Variants in SIPA1L2 observed in about 807,000 individuals in gnomAD.
The protein encoded by SIPA1L2 is signal-induced proliferation-associated 1-like protein 2.
Under a neutral mutation model 163.9 loss-of-function variants are expected in SIPA1L2, and 56 were observed. That is an observed-to-expected ratio of 0.34 (90% CI 0.28 to 0.43). The LOEUF is 0.43. Among genes scored for constraint, SIPA1L2 ranks in the 20% least tolerant of loss-of-function variants. The pLI is 1.00. For missense variants in SIPA1L2, 1,974 were observed against 2,193.5 expected (o/e 0.90, Z 2.00); for synonymous variants, 877 against 865.7 (o/e 1.01, Z -0.23).
intron 19 of SIPA1L2, among the ~76,000 whole-genome samples, chr1:232,410,138 A>G (rs941917644): frequency 6.6e-6 from 1 of 152,156 alleles, no homozygotes; most frequent in Non-Finnish European, 1.5e-5. Context: ...GGTCTCAAAG[A>G]GTACACTTGC....
At chr1:232,477,731 CGAATGCCTACA>C (rs1665120351) in intron 7 of SIPA1L2, among the ~76,000 whole-genome samples, 1 of 152,108 alleles carries the variant, frequency 6.6e-6, no homozygotes, top group South Asian at 2.1e-4. Context: ...ACATAAAACT[CGAATGCCTACA>C]GATTTTGATT....
chr1:232,490,110 G>C (rs927664641), intron 5 of SIPA1L2, among the ~76,000 whole-genome samples: 1 of 152,084 alleles, frequency 6.6e-6, no homozygotes, highest in African/African-American at 2.4e-5. Flanking sequence ...CCTGAATCAA[G>C]GGCAATCTCC....
chr1:232,418,571 C>T (rs549478754), intron 18 of SIPA1L2, among the ~76,000 whole-genome samples: 4 of 152,224 alleles, frequency 2.6e-5, no homozygotes, highest in African/African-American at 7.2e-5. Flanking sequence ...CCTGCTACCC[C>T]CTACGCAATG....
chr1:232,595,582 C>A (rs1434698953), intron 1 of SIPA1L2, among the ~76,000 whole-genome samples: 1 of 152,138 alleles, frequency 6.6e-6, no homozygotes, highest in African/African-American at 2.4e-5. Context: ...TTCCACCCGA[C>A]TCAAACTCTG....
chr1:232,548,782 G>A (rs1658203652), intron 2 of SIPA1L2, among the ~76,000 whole-genome samples: 1 of 152,160 alleles, frequency 6.6e-6, no homozygotes, highest in Non-Finnish European at 1.5e-5. Context: ...TGTGAGGACA[G>A]GACAGAACAC....
At chr1:232,551,391 C>T (rs1227220905) in intron 2 of SIPA1L2, among the ~76,000 whole-genome samples, 1 of 152,208 alleles carries the variant, frequency 6.6e-6, no homozygotes, top group Non-Finnish European at 1.5e-5. Context: ...ATCTAAGGAA[C>T]ATTGGCTGCC....
At chr1:232,426,085 A>G (rs990961300) in intron 17 of SIPA1L2, among the ~76,000 whole-genome samples, 2 of 152,238 alleles carry the variant, frequency 1.3e-5, no homozygotes, top group African/African-American at 4.8e-5. Context: ...GAAATGTTAA[A>G]TAAAACCTCC....
intron 2 of SIPA1L2, among the ~76,000 whole-genome samples, chr1:232,521,184 T>C (rs761623670): frequency 6.6e-6 from 1 of 152,208 alleles, no homozygotes. Flanking sequence ...TGGGGTTTTA[T>C]AACATAGGGG....
intron 6 of SIPA1L2, among the ~76,000 whole-genome samples, chr1:232,481,355 A>G (rs560749915): frequency 1.1e-3 from 161 of 152,190 alleles, no homozygotes; most frequent in Admixed American, 4.5e-3. Context: ...GGTATGTTCA[A>G]TGACACCCAT....
At chr1:232,469,016 G>C (rs1050266037) in intron 8 of SIPA1L2, among the ~76,000 whole-genome samples, 1 of 152,276 alleles carries the variant, frequency 6.6e-6, no homozygotes, top group Admixed American at 6.5e-5. Context: ...CTGCGCTCAT[G>C]GGGGAGGCCT....
chr1:232,561,164 C>T (rs1454544993), intron 2 of SIPA1L2, among the ~76,000 whole-genome samples: 1 of 152,192 alleles, frequency 6.6e-6, no homozygotes, highest in Non-Finnish European at 1.5e-5. Flanking sequence ...GTCAGTCAAA[C>T]AATGTGAATT....
intron 3 of SIPA1L2, among the ~76,000 whole-genome samples, chr1:232,495,789 T>C (rs189660981): frequency 2.0e-5 from 3 of 152,082 alleles, no homozygotes; most frequent in Admixed American, 2.0e-4. Context: ...TGTCATTACA[T>C]GGGAATCCAA....
chr1:232,454,239 C>T (rs957233338), intron 10 of SIPA1L2, among the ~76,000 whole-genome samples: 3 of 152,134 alleles, frequency 2.0e-5, no homozygotes, highest in Non-Finnish European at 4.4e-5. Context: ...GAAAAAAAGA[C>T]ATATGAACCA....
chr1:232,487,405 C>A, intron 5 of SIPA1L2, among the ~76,000 whole-genome samples: 1 of 152,206 alleles, frequency 6.6e-6, no homozygotes, highest in South Asian at 2.1e-4. Context: ...TGCTTGACTT[C>A]GGTTGAAACA....
intron 10 of SIPA1L2, among the ~76,000 whole-genome samples, chr1:232,453,187 G>T (rs1474483729): frequency 6.6e-6 from 1 of 152,118 alleles, no homozygotes; most frequent in African/African-American, 2.4e-5. Flanking sequence ...AAAGTAGGAT[G>T]CATGACTTTG....
intron 18 of SIPA1L2, among the ~76,000 whole-genome samples, chr1:232,422,533 C>T (rs765171846): frequency 1.3e-5 from 2 of 152,148 alleles, no homozygotes; most frequent in Admixed American, 6.5e-5. Flanking sequence ...TGCCCTGCTA[C>T]CCTCCCTCCA....
intron 10 of SIPA1L2, among the ~76,000 whole-genome samples, chr1:232,450,731 C>G (rs1320166151): frequency 6.6e-6 from 1 of 152,198 alleles, no homozygotes; most frequent in Non-Finnish European, 1.5e-5. Context: ...AAAGAGAAGA[C>G]AGATGGCTGA....
chr1:232,430,578 A>G (rs1343266616), intron 16 of SIPA1L2, among the ~76,000 whole-genome samples: 2 of 152,192 alleles, frequency 1.3e-5, no homozygotes, highest in Non-Finnish European at 2.9e-5. Flanking sequence ...CTGTTTTGAT[A>G]AAACTTCAAA....
At position 232,439,146 on chromosome 1, in the gene SIPA1L2, GCCTT is replaced by G; in HGVS notation, c.3989_3992del (p.Glu1330AlafsTer63). On this transcript the variant is annotated frameshift_variant, in exon 15 of 23. Coordinates refer to ENST00000674635, the MANE Select transcript of SIPA1L2 (RefSeq NM_020808.5). LOFTEE classifies it high-confidence loss of function. ...ATATCTCACTGAGATCGCCCATGCTGCCTTCCGCAGCACTGCCGGCGGAGATGGT... is the reference window on the plus strand; with the variant it reads ...ATATCTCACTGAGATCGCCCATGCTGCCGCAGCACTGCCGGCGGAGATGGT... 1 of 1,612,622 alleles carries G rather than the reference GCCTT, an allele frequency of 6.2e-7. No homozygotes were observed.
Sources: allele counts gnomAD v4.1 joint callset (sites outside exome capture counted in the v4.1 genomes callset), GRCh38; gene constraint gnomAD v4.1.1; transcripts MANE v1.5; gene names NCBI Gene and HGNC (gene_info 2026-07-23, HGNC 2026-07-21).